Variants in PCDHA11 observed in about 807,000 individuals in gnomAD.
The protein encoded by PCDHA11 is protocadherin alpha 11, also known as protocadherin alpha-11.
In PCDHA11, 61 loss-of-function variants were observed where a neutral mutation model predicts 70.3. The observed-to-expected ratio is 0.87, with a 90% CI of 0.71 to 1.07. The LOEUF is 1.07. Ranked by LOEUF, PCDHA11 falls within the 50% of genes least tolerant of loss-of-function variation. The pLI is 0.00. For missense variants in PCDHA11, 1,324 were observed against 1,237.5 expected (o/e 1.07, Z -1.05); for synonymous variants, 633 against 555.1 (o/e 1.14, Z -1.97).
At chr5:140,963,701 AG>A (rs1226096855) in intron 1 of PCDHA11, among the ~76,000 whole-genome samples, 2 of 152,218 alleles carry the variant, frequency 1.3e-5, no homozygotes, top group Non-Finnish European at 1.5e-5. Flanking sequence ...TGATATCTAA[AG>A]GGCCATGCTA....
chr5:140,891,009 A>G (rs2062900955), intron 1 of PCDHA11, among the ~76,000 whole-genome samples: 1 of 151,934 alleles, frequency 6.6e-6, no homozygotes, highest in South Asian at 2.1e-4. Flanking sequence ...ATTGAAAAGC[A>G]TTTTTTCTGA....
chr5:140,927,374 A>G (rs1026302775), intron 1 of PCDHA11: 5 of 1,614,100 alleles, frequency 3.1e-6, no homozygotes, highest in Non-Finnish European at 4.2e-6. Context: ...ATACTAAGCT[A>G]CAGCCTAAGC....
At chr5:140,947,755 G>T (rs1415482913) in intron 1 of PCDHA11, among the ~76,000 whole-genome samples, 1 of 151,450 alleles carries the variant, frequency 6.6e-6, no homozygotes, top group Non-Finnish European at 1.5e-5. Flanking sequence ...GTATTTTATG[G>T]TTTAAAAAAT....
chr5:140,882,178 C>A (rs2058992068), intron 1 of PCDHA11: 1 of 1,517,822 alleles, frequency 6.6e-7, no homozygotes, highest in Non-Finnish European at 8.8e-7. Flanking sequence ...TCCTTCCGCA[C>A]TAGGAAGCCA....
chr5:140,915,259 T>C (rs1344301014), intron 1 of PCDHA11, among the ~76,000 whole-genome samples: 1 of 152,182 alleles, frequency 6.6e-6, no homozygotes, highest in East Asian at 1.9e-4. Context: ...GTTGTTATTA[T>C]TTTTGACCAG....
chr5:140,941,202 C>CTTTCTGTCTTTCTTT (rs1554213921), intron 1 of PCDHA11, among the ~76,000 whole-genome samples: 1 of 122,742 alleles, frequency 8.1e-6, no homozygotes, highest in African/African-American at 3.0e-5. Context: ...TTTCTTTCTT[C>CTTTCTGTCTTTCTTT]CTTTCTTTCT....
rs149972776 is a variant in PCDHA11, at chr5:140,883,738, C to G, written c.2391+12244C>G. On this transcript the variant is annotated intron_variant, in intron 1 of 3. Transcript: ENST00000398640. The stretch of plus-strand genomic sequence containing the variant: ...CGGACGCACAGGAGAACGCGCTGGT[C>G]TCCTACTCGCTGGTGGAGCGGCGGG... 852 of 1,613,378 alleles carry G rather than the reference C, an allele frequency of 5.3e-4. 5 individuals carry two copies. In the African/African-American group the frequency reaches 9.2e-3, roughly 17 times the overall value.
intron 3 of PCDHA11, among the ~76,000 whole-genome samples, chr5:141,008,045 CAG>C (rs1416741468): frequency 2.0e-5 from 3 of 151,924 alleles, no homozygotes; most frequent in South Asian, 2.1e-4. Context: ...CCTTTTGTAA[CAG>C]GGGTCCAGTC....
intron 1 of PCDHA11, among the ~76,000 whole-genome samples, chr5:140,970,633 A>G (rs2096420540): frequency 6.6e-6 from 1 of 152,210 alleles, no homozygotes; most frequent in Admixed American, 6.5e-5. Context: ...AAAATTTTGT[A>G]CCATAAATAG....
intron 1 of PCDHA11, among the ~76,000 whole-genome samples, chr5:140,945,754 G>T (rs1206591237): frequency 1.3e-5 from 2 of 152,078 alleles, no homozygotes; most frequent in African/African-American, 4.8e-5. Context: ...TTCAATAAAT[G>T]GTGGTGGGAC....
chr5:140,904,911 G>A (rs2153487307), intron 1 of PCDHA11, among the ~76,000 whole-genome samples: 1 of 152,172 alleles, frequency 6.6e-6, no homozygotes, highest in African/African-American at 2.4e-5. Flanking sequence ...TTACTGATTT[G>A]TTTGACTTCC....
chr5:140,870,947 G>A lies in PCDHA11; in HGVS notation c.1844G>A (p.Gly615Asp). ...TCATATGAATTGCAGCCGGCGGCGGGCGGCTCGCGCATCCCGTTCCGCGTG... is the reference window on the plus strand; with the variant it reads ...TCATATGAATTGCAGCCGGCGGCGGACGGCTCGCGCATCCCGTTCCGCGTG... ...WLSYELQPAA[G>D]GSRIPFRVGL... Residue 615 changes from glycine to aspartate, a missense_variant, in exon 1 of 4, where the codon GGC (glycine) becomes GAC (aspartate). Physicochemically the swap from Gly to Asp is moderately conservative, Grantham distance 94. Coordinates refer to ENST00000398640, the MANE Select transcript of PCDHA11 (RefSeq NM_018902.5). The A allele has an allele frequency of 6.2e-7, 1 of 1,613,700 alleles. No homozygotes were observed. Among genetic ancestry groups the A allele is most frequent in the Non-Finnish European group, 8.5e-7 (1 of 1,179,896 alleles).
At chr5:140,975,236 T>A (rs562846037) in intron 1 of PCDHA11, among the ~76,000 whole-genome samples, 84 of 152,334 alleles carry the variant, frequency 5.5e-4, no homozygotes, top group African/African-American at 1.9e-3. Context: ...TCACATGGAA[T>A]CCCTCTTATG....
intron 1 of PCDHA11, among the ~76,000 whole-genome samples, chr5:140,925,210 C>T (rs1319343041): frequency 2.0e-5 from 3 of 152,122 alleles, no homozygotes; most frequent in African/African-American, 7.2e-5. Context: ...ATTATCGATA[C>T]TTTTAGGCAG....
intron 1 of PCDHA11, among the ~76,000 whole-genome samples, chr5:140,907,888 C>G (rs1441879791): frequency 6.6e-6 from 1 of 152,234 alleles, no homozygotes; most frequent in Non-Finnish European, 1.5e-5. Flanking sequence ...ACATGGGATA[C>G]AAATATCTTC....
Position 141,009,816 on chromosome 5 carries a change from G to A in PCDHA11, c.2729G>A (p.Ser910Asn). ...QEPTNSQIDK[S>N]DFITFGKKEE... Reference sequence around the variant, plus strand: ...CCTACTAACAGCCAAATTGACAAAAGTGACTTCATAACCTTCGGCAAAAAG... The same window carrying A: ...CCTACTAACAGCCAAATTGACAAAAATGACTTCATAACCTTCGGCAAAAAG... Residue 910 changes from serine to asparagine, a missense_variant, in exon 4 of 4, where the codon AGT (serine) becomes AAT (asparagine). Ser to Asn is a conservative substitution (Grantham distance 46). Transcript: ENST00000398640. 1 of 1,614,044 alleles carries A rather than the reference G, an allele frequency of 6.2e-7. No homozygotes were observed. Among genetic ancestry groups the A allele is most frequent in the African/African-American group, 1.3e-5 (1 of 74,990 alleles).
intron 1 of PCDHA11, among the ~76,000 whole-genome samples, chr5:140,977,658 T>C (rs1332848343): frequency 6.6e-6 from 1 of 152,192 alleles, no homozygotes; most frequent in African/African-American, 2.4e-5. Context: ...TTTGGCTAAT[T>C]CTCTGCATGC....
intron 1 of PCDHA11, among the ~76,000 whole-genome samples, chr5:140,930,607 G>T (rs536411934): frequency 2.4e-4 from 36 of 152,252 alleles, no homozygotes; most frequent in African/African-American, 7.5e-4. Flanking sequence ...AATCCTAGAT[G>T]CAAGAGAAGG....
At chr5:140,883,522 A>G in intron 1 of PCDHA11, 1 of 1,614,220 alleles carries the variant, frequency 6.2e-7, no homozygotes, top group Middle Eastern at 1.7e-4. Flanking sequence ...GCGAGAGCGT[A>G]TCAGCCTATG....
Sources: gnomAD v4.1 joint callset for allele counts (sites outside exome capture counted in the v4.1 genomes callset) on GRCh38, gnomAD v4.1.1 for gene constraint, MANE v1.5 for transcripts, NCBI Gene and HGNC (gene_info 2026-07-23, HGNC 2026-07-21) for gene names.